Variants in TIMELESS observed in about 807,000 individuals in gnomAD.
TIMELESS encodes the protein protein timeless homolog.
Under a neutral mutation model 164.3 loss-of-function variants are expected in TIMELESS, and 124 were observed. The observed-to-expected ratio is 0.75, with a 90% CI of 0.65 to 0.88. TIMELESS has a LOEUF of 0.88. Among genes scored for constraint, TIMELESS ranks in the 40% least tolerant of loss-of-function variants. The probability of loss-of-function intolerance (pLI) is 0.00; values close to 1 mark genes in which losing one functional copy is unlikely to be tolerated. For synonymous variants in TIMELESS, 564 were observed against 563.4 expected (o/e 1.00, Z -0.02); for missense variants, 1,422 against 1,491.4 (o/e 0.95, Z 0.77).
At chr12:56,419,368 T>C (rs555540310) in intron 26 of TIMELESS, among the ~76,000 whole-genome samples, 51 of 151,846 alleles carry the variant, frequency 3.4e-4, no homozygotes, top group Non-Finnish European at 6.3e-4. Flanking sequence ...ACTTCAGGGG[T>C]TGAAAGAATG....
At chr12:56,425,775 C>G (rs369638812) in intron 13 of TIMELESS, among the ~76,000 whole-genome samples, 2 of 151,508 alleles carry the variant, frequency 1.3e-5, no homozygotes, top group African/African-American at 4.9e-5. Context: ...CTTGGGAGGC[C>G]GAGGCAGAAG....
In TIMELESS at chr12:56,423,868, A is replaced by G; in HGVS notation, c.1895T>C (p.Phe632Ser). The change falls in exon 16 of 29, where the codon TTT (phenylalanine) becomes TCT (serine). Residue 632 changes from phenylalanine to serine, a missense_variant. Coordinates refer to ENST00000553532, the MANE Select transcript of TIMELESS (RefSeq NM_003920.5). ...AREVWPEGDV[F>S]GSQDISPEEE... ...CTCTGGAGAAATGTCTTGAGAGCCA[A>G]ACACATCTCCTTCAGGCCACACCTC... 6.2e-7 allele frequency: 1 copy of G among 1,614,210 alleles called. No homozygotes were observed. Among genetic ancestry groups the G allele is most frequent in the East Asian group, 2.2e-5 (1 of 44,886 alleles).
chr12:56,445,932 G>A (rs188546566), intron 1 of TIMELESS, among the ~76,000 whole-genome samples: 2 of 151,998 alleles, frequency 1.3e-5, no homozygotes, highest in Non-Finnish European at 2.9e-5. Flanking sequence ...TTGAAAGAGG[G>A]TCTCACTTTG....
At chr12:56,439,063 G>A (rs1239139852) in intron 1 of TIMELESS, among the ~76,000 whole-genome samples, 1 of 150,496 alleles carries the variant, frequency 6.6e-6, no homozygotes, top group Non-Finnish European at 1.5e-5. Context: ...CTACTCGGGA[G>A]GCTGAGGCAG....
rs772711531 is a variant in TIMELESS, at chr12:56,428,657, G to T, written c.1305-5C>A. 6.2e-7 allele frequency: 1 copy of T among 1,612,570 alleles called. No individual in the cohort carries two copies. The highest frequency in any genetic ancestry group is 8.5e-7 in the Non-Finnish European group (1 of 1,178,722). On this transcript the variant is annotated splice_polypyrimidine_tract_variant and splice_region_variant and intron_variant, in intron 11 of 28. Coordinates refer to ENST00000553532, the MANE Select transcript of TIMELESS (RefSeq NM_003920.5). Reference sequence around the variant, plus strand: ...GCCTTCAGAGCCAAGTGCATCCTGAGAGTTGACGGGAAACGGTGAAATGGA... The same window carrying T: ...GCCTTCAGAGCCAAGTGCATCCTGATAGTTGACGGGAAACGGTGAAATGGA...
chr12:56,423,749 T>C, intron 16 of TIMELESS, 42 bp from the exon 17 acceptor site: 1 of 1,614,120 alleles, frequency 6.2e-7, no homozygotes, highest in Non-Finnish European at 8.5e-7. Context: ...GTTATGTTGG[T>C]GCTAGAAAAG....
At chr12:56,432,283 G>A in intron 7 of TIMELESS, 86 bp downstream of exon 7, 1 of 1,475,416 alleles carries the variant, frequency 6.8e-7, no homozygotes. Context: ...CCCAGATAAT[G>A]CAGCCATTAT....
chr12:56,418,742 C>T (rs1335348733), intron 26 of TIMELESS, among the ~76,000 whole-genome samples: 1 of 151,286 alleles, frequency 6.6e-6, no homozygotes, highest in Non-Finnish European at 1.5e-5. Context: ...ACCATGATGC[C>T]CAACTACTTA....
intron 10 of TIMELESS, among the ~76,000 whole-genome samples, 176 bp from the exon 11 acceptor site, chr12:56,429,276 G>A (rs1184855437): frequency 1.3e-5 from 2 of 151,444 alleles, no homozygotes; most frequent in African/African-American, 2.4e-5. Flanking sequence ...TCGGCTCACC[G>A]CAACTTCCAC....
intron 19 of TIMELESS, 51 bp from the exon 20 acceptor site, chr12:56,422,242 G>A: frequency 2.0e-6 from 3 of 1,513,042 alleles, no homozygotes; most frequent in Non-Finnish European, 2.8e-6. Flanking sequence ...CCCAAAAAGA[G>A]GAGACCAAAG....
At position 56,422,317 on chromosome 12, in the gene TIMELESS, A is replaced by G. The variant is rs188013692; in HGVS notation, c.2439-126T>C. The G allele has an allele frequency of 5.6e-5, 43 of 764,476 alleles. No individual in the cohort carries two copies. The African/African-American group carries it at 6.9e-4, about 12-fold the overall frequency. The allele number at this position is 764,476 out of a possible 1,614,324, so 47.4% of individuals were successfully genotyped here. Reference sequence around the variant, plus strand: ...GGCAGGTAACTGAAAGAGGCCAGCCAGCAGAGGCCTACAGTGTGCCTCCTT... The same window carrying G: ...GGCAGGTAACTGAAAGAGGCCAGCCGGCAGAGGCCTACAGTGTGCCTCCTT... On this transcript the variant is annotated intron_variant, in intron 19 of 28. Transcript: ENST00000553532.
intron 23 of TIMELESS, 86 bp from the exon 24 acceptor site, chr12:56,421,220 C>T (rs1335003763): frequency 5.0e-6 from 8 of 1,590,638 alleles, no homozygotes; most frequent in Non-Finnish European, 6.8e-6. Flanking sequence ...CCACCGCACC[C>T]CCCCGCGCCT....
In TIMELESS at chr12:56,430,292, C is replaced by T. The variant is rs759401393; in HGVS notation, c.910-11G>A. The T allele has an allele frequency of 6.8e-6, 11 of 1,608,618 alleles. No individual in the cohort carries two copies. Among genetic ancestry groups the T allele is most frequent in the South Asian group, 2.2e-5 (2 of 90,408 alleles). Reference sequence around the variant, plus strand: ...ACTGTAGTTTCGTAGCTGGGTGTGTCGGTTGGGGGATTAGAATTACTCCTA... The same window carrying T: ...ACTGTAGTTTCGTAGCTGGGTGTGTTGGTTGGGGGATTAGAATTACTCCTA... On this transcript the variant is annotated splice_polypyrimidine_tract_variant and intron_variant, in intron 9 of 28. Coordinates refer to ENST00000553532, the MANE Select transcript of TIMELESS (RefSeq NM_003920.5).
chr12:56,420,589 G>A lies in TIMELESS; in HGVS notation c.3208C>T (p.Arg1070Trp), dbSNP rs145031140. The change falls in exon 26 of 29, where the codon CGG becomes TGG. Residue 1070 changes from arginine (R) to tryptophan (W), a missense_variant. Physicochemically the swap from Arg to Trp is moderately radical, Grantham distance 101 (BLOSUM62 -3). Coordinates refer to ENST00000553532, the MANE Select transcript of TIMELESS (RefSeq NM_003920.5). The stretch of plus-strand genomic sequence containing the variant: ...TTTACCTGCCCAGAGGCAGGGGGCC[G>A]AACCCCTAGCTTGCGCAACAGCTGC... ...FQQLLRKLGV[R>W]PPASGQETFW... 27 of 1,614,074 alleles carry A rather than the reference G, an allele frequency of 1.7e-5. No homozygotes were observed. Among genetic ancestry groups the A allele is most frequent in the African/African-American group, 1.2e-4 (9 of 74,920 alleles).
chr12:56,425,918 G>A (rs1207376825), intron 13 of TIMELESS, among the ~76,000 whole-genome samples: 1 of 151,914 alleles, frequency 6.6e-6, no homozygotes, highest in Non-Finnish European at 1.5e-5. Context: ...AAGAAAAGCA[G>A]GAGAGTGAGT....
intron 1 of TIMELESS, among the ~76,000 whole-genome samples, chr12:56,445,298 G>A (rs545268107): frequency 7.3e-5 from 11 of 151,206 alleles, no homozygotes; most frequent in Admixed American, 3.3e-4. Context: ...GGTGGTGCAT[G>A]CCTGTAATCC....
chr12:56,422,946 A>G lies in TIMELESS; in HGVS notation c.2339T>C (p.Leu780Pro), dbSNP rs1881543898. The G allele has an allele frequency of 6.2e-7, 1 of 1,614,000 alleles. No individual in the cohort carries two copies. Residue 780 changes from leucine to proline, a missense_variant, in exon 19 of 29, where the codon CTG (leucine) becomes CCG (proline). By Grantham distance (98) the Leu-to-Pro change is moderately conservative. Transcript: ENST00000553532. Reference protein sequence around the residue: ...AKYILGKFFALAAVNQKAFVE... With the variant: ...AKYILGKFFAPAAVNQKAFVE... The stretch of plus-strand genomic sequence containing the variant: ...AAAGGCTTTTTGGTTGACTGCAGCC[A>G]GTGCAAAAAATTTGCCCAGGATGTA...
chr12:56,429,902 C>A (rs933836700), intron 10 of TIMELESS, among the ~76,000 whole-genome samples: 4 of 151,920 alleles, frequency 2.6e-5, no homozygotes, highest in African/African-American at 7.3e-5. Flanking sequence ...TCCAGAGCCT[C>A]TTTTGTCATG....
rs761603354 is a variant in TIMELESS, at chr12:56,432,533, T to C, written c.532-9A>G. On this transcript the variant is annotated splice_polypyrimidine_tract_variant and intron_variant, in intron 6 of 28. Coordinates refer to ENST00000553532, the MANE Select transcript of TIMELESS (RefSeq NM_003920.5). ...GCGTCATCATCAATCTTCTGAGCAG[T>C]GAGTGGTGAGGGTAGAAAGGAAGCT... The C allele has an allele frequency of 1.2e-6, 2 of 1,611,902 alleles. No individual in the cohort carries two copies. Among genetic ancestry groups the C allele is most frequent in the Non-Finnish European group, 8.5e-7 (1 of 1,178,824 alleles).
Sources: gnomAD v4.1 joint callset for allele counts (sites outside exome capture counted in the v4.1 genomes callset) on GRCh38, gnomAD v4.1.1 for gene constraint, MANE v1.5 for transcripts, NCBI Gene and HGNC (gene_info 2026-07-23, HGNC 2026-07-21) for gene names.